Variants in LRP1B observed in about 807,000 individuals in gnomAD.
LRP1B encodes the protein LDL receptor related protein 1B.
A neutral mutation model predicts 556.6 loss-of-function variants in LRP1B; 217 were observed. The observed-to-expected ratio is 0.39, with a 90% CI of 0.35 to 0.44. The LOEUF (loss-of-function observed/expected upper bound fraction) is 0.44. LRP1B is among the 20% of genes least tolerant of loss of function. The pLI is 1.00. For synonymous variants in LRP1B, 2,047 were observed against 1,865.8 expected (o/e 1.10, Z -2.50); for missense variants, 5,053 against 5,620.8 (o/e 0.90, Z 3.23).
intron 88 of LRP1B, among the ~76,000 whole-genome samples, chr2:140,238,794 T>G (rs1343310090): frequency 6.6e-6 from 1 of 150,804 alleles, no homozygotes; most frequent in Non-Finnish European, 1.5e-5. Flanking sequence ...TAATGTACGC[T>G]GTACCCATTA....
intron 37 of LRP1B, among the ~76,000 whole-genome samples, chr2:140,707,492 C>T (rs1205344765): frequency 6.6e-6 from 1 of 152,096 alleles, no homozygotes; most frequent in Admixed American, 6.6e-5. Flanking sequence ...TTGACAAAAG[C>T]TGCTTGTAAT....
chr2:140,327,685 C>A (rs1485302926), intron 79 of LRP1B, among the ~76,000 whole-genome samples: 3 of 151,932 alleles, frequency 2.0e-5, no homozygotes, highest in Non-Finnish European at 2.9e-5. Flanking sequence ...GACTTAAAAA[C>A]ATTAATATTG....
chr2:140,944,997 T>C (rs1695500988), intron 20 of LRP1B, among the ~76,000 whole-genome samples: 1 of 152,166 alleles, frequency 6.6e-6, no homozygotes, highest in Non-Finnish European at 1.5e-5. Context: ...GATATGATTT[T>C]ATCTAGAACC....
chr2:141,061,947 T>G, intron 8 of LRP1B, 104 bp downstream of exon 8: 1 of 821,384 alleles, frequency 1.2e-6, no homozygotes, highest in South Asian at 1.5e-5. Flanking sequence ...TTTTTATGAC[T>G]CATTGCAGCT....
At chr2:140,382,769 CA>C (rs1378555944) in intron 67 of LRP1B, among the ~76,000 whole-genome samples, 2 of 152,128 alleles carry the variant, frequency 1.3e-5, no homozygotes, top group African/African-American at 2.4e-5. Context: ...GATTCATAAA[CA>C]AAGAAGTCCA....
chr2:140,641,351 G>T (rs190727271), intron 41 of LRP1B, among the ~76,000 whole-genome samples: 252 of 152,238 alleles, frequency 1.7e-3, no homozygotes, highest in Non-Finnish European at 2.7e-3. Flanking sequence ...CATATTTTTA[G>T]AATAACAAGG....
chr2:140,370,845 G>A lies in LRP1B; in HGVS notation c.10876-3C>T, dbSNP rs1161044331. The A allele has an allele frequency of 1.9e-6, 3 of 1,611,840 alleles. No individual in the cohort carries two copies. Among genetic ancestry groups the A allele is most frequent in the Non-Finnish European group, 2.5e-6 (3 of 1,178,738 alleles). On this transcript the variant is annotated splice_polypyrimidine_tract_variant and splice_region_variant and intron_variant, in intron 70 of 90. Coordinates refer to ENST00000389484, the MANE Select transcript of LRP1B (RefSeq NM_018557.3). ...TTACATTCAGTCACACAGTCCATCTGTTCAAATACAAATGGACACTGCAGT... is the reference window on the plus strand; with the variant it reads ...TTACATTCAGTCACACAGTCCATCTATTCAAATACAAATGGACACTGCAGT...
At chr2:141,399,241 G>C (rs1006175350) in intron 3 of LRP1B, among the ~76,000 whole-genome samples, 6 of 152,068 alleles carry the variant, frequency 3.9e-5, no homozygotes, top group Admixed American at 3.9e-4. Context: ...GGGAGACAGA[G>C]CGGGACTCTG....
At chr2:141,734,871 G>A (rs145980875) in intron 2 of LRP1B, among the ~76,000 whole-genome samples, 1 of 152,224 alleles carries the variant, frequency 6.6e-6, no homozygotes, top group African/African-American at 2.4e-5. Flanking sequence ...TCTTCAACTG[G>A]AGCCGTTTGA....
At chr2:141,084,232 G>A (rs1699992587) in intron 7 of LRP1B, among the ~76,000 whole-genome samples, 1 of 152,160 alleles carries the variant, frequency 6.6e-6, no homozygotes, top group African/African-American at 2.4e-5. Context: ...AAGAAAAATT[G>A]GTGTCTAACT....
At chr2:141,488,361 G>T (rs1457009082) in intron 2 of LRP1B, among the ~76,000 whole-genome samples, 1 of 152,048 alleles carries the variant, frequency 6.6e-6, no homozygotes, top group African/African-American at 2.4e-5. Context: ...ATGCAGTTTT[G>T]CACTTCCTCT....
At position 140,516,920 on chromosome 2, in the gene LRP1B, A is replaced by G. The variant is rs1461208208; in HGVS notation, c.8118T>C (p.Asp2706=). ...GGAATTCATCACGTCCATCCTCACA[A>G]TCTTTCTGACCATCGCATATCCAGG... ...LNTWICDGQK[D]CEDGRDEFHC... Residue 2706 remains aspartate (D), a synonymous_variant, in exon 50 of 91, where the codon GAT becomes GAC. Coordinates refer to ENST00000389484, the MANE Select transcript of LRP1B (RefSeq NM_018557.3). 2 of 1,613,478 alleles carry G rather than the reference A, an allele frequency of 1.2e-6. No homozygotes were observed. The highest frequency in any genetic ancestry group is 1.7e-5 in the Admixed American group (1 of 59,956).
chr2:142,057,597 T>G (rs978184709), intron 1 of LRP1B, among the ~76,000 whole-genome samples: 2 of 152,130 alleles, frequency 1.3e-5, no homozygotes, highest in African/African-American at 4.8e-5. Flanking sequence ...CTATCTGTGT[T>G]TCACCCCTAG....
intron 63 of LRP1B, among the ~76,000 whole-genome samples, chr2:140,446,462 C>T (rs1686663690): frequency 6.6e-6 from 1 of 152,082 alleles, no homozygotes; most frequent in Admixed American, 6.6e-5. Flanking sequence ...TGAGGCTTTC[C>T]TGTCTTCTCA....
chr2:141,152,648 C>A (rs561892726), intron 7 of LRP1B, among the ~76,000 whole-genome samples: 1 of 151,918 alleles, frequency 6.6e-6, no homozygotes, highest in African/African-American at 2.4e-5. Flanking sequence ...TTATCAATTT[C>A]TTTGCTAAAG....
chr2:141,717,337 T>C (rs943555125), intron 2 of LRP1B, among the ~76,000 whole-genome samples: 5 of 152,228 alleles, frequency 3.3e-5, no homozygotes, highest in African/African-American at 4.8e-5. Flanking sequence ...ATTGCTATTA[T>C]GTCAAATAAC....
chr2:140,402,129 T>G (rs921212882), intron 66 of LRP1B, among the ~76,000 whole-genome samples: 1 of 152,146 alleles, frequency 6.6e-6, no homozygotes, highest in African/African-American at 2.4e-5. Flanking sequence ...GCAATCGCTG[T>G]AGCCTGGCTC....
At chr2:141,095,192 C>T in intron 7 of LRP1B, among the ~76,000 whole-genome samples, 1 of 151,420 alleles carries the variant, frequency 6.6e-6, no homozygotes, top group Middle Eastern at 3.2e-3. Context: ...AAGTAAATTT[C>T]TATTTATTAA....
chr2:141,192,521 C>T (rs550308801), intron 6 of LRP1B, among the ~76,000 whole-genome samples: 1 of 151,460 alleles, frequency 6.6e-6, no homozygotes, highest in Non-Finnish European at 1.5e-5. Context: ...AATGTAAGTC[C>T]CTTATTGCTT....
Sources: gnomAD v4.1 joint callset for allele counts (sites outside exome capture counted in the v4.1 genomes callset) on GRCh38, gnomAD v4.1.1 for gene constraint, MANE v1.5 for transcripts, NCBI Gene and HGNC (gene_info 2026-07-23, HGNC 2026-07-21) for gene names.